MTCL3: variants seen among roughly 807,000 people sequenced by gnomAD.
MTCL3 encodes microtubule cross-linking factor 3.
the MTCL3 span, chr6:127,516,762 G>A: frequency 1.5e-6 from 2 of 1,350,218 alleles, no homozygotes; most frequent in Middle Eastern, 3.7e-4. Context: ...CAGAGCAAAG[G>A]GTGATATTGC....
the MTCL3 span, among the ~76,000 whole-genome samples, chr6:127,506,676 G>T: frequency 1.3e-5 from 2 of 152,234 alleles, no homozygotes; most frequent in South Asian, 4.2e-4. Flanking sequence ...CGCCTCTCGG[G>T]TTCATAACAT....
the MTCL3 span, among the ~76,000 whole-genome samples, chr6:127,494,813 C>T: frequency 6.6e-6 from 1 of 152,108 alleles, no homozygotes; most frequent in Non-Finnish European, 1.5e-5. Flanking sequence ...TTTAATATAT[C>T]ATGTATTATA....
the MTCL3 span, among the ~76,000 whole-genome samples, chr6:127,479,914 T>TA: frequency 3.3e-5 from 5 of 152,106 alleles, no homozygotes; most frequent in African/African-American, 4.8e-5. Context: ...TAATTATTGA[T>TA]AAAAAAAGGA....
the MTCL3 span, among the ~76,000 whole-genome samples, chr6:127,501,388 TC>T: frequency 2.6e-5 from 4 of 152,226 alleles, no homozygotes; most frequent in African/African-American, 4.8e-5. Context: ...TGAAAATTTT[TC>T]TTTTCTTCAT....
the MTCL3 span, chr6:127,475,324 C>T: frequency 2.5e-6 from 4 of 1,611,436 alleles, no homozygotes; most frequent in Non-Finnish European, 3.4e-6. The surrounding 1 kb of genome is among the most constrained non-coding windows in gnomAD (Gnocchi z 7.3). Context: ...CTCGGCGCCG[C>T]GGTCGTCCGC....
the MTCL3 span, among the ~76,000 whole-genome samples, chr6:127,500,227 G>A: frequency 6.6e-6 from 1 of 152,044 alleles, no homozygotes; most frequent in Non-Finnish European, 1.5e-5. Flanking sequence ...GACCTACAAA[G>A]GAATAAAAGT....
chr6:127,511,178 G>A, the MTCL3 span, among the ~76,000 whole-genome samples: 6 of 152,178 alleles, frequency 3.9e-5, no homozygotes, highest in East Asian at 3.9e-4. Flanking sequence ...TCCTGCCTTC[G>A]CAGCCCTCAG....
chr6:127,505,527 C>T, the MTCL3 span, among the ~76,000 whole-genome samples: 9 of 151,898 alleles, frequency 5.9e-5, no homozygotes, highest in South Asian at 8.3e-4. Context: ...GAGGATGGAG[C>T]GTGGGAGGAG....
chr6:127,490,396 C>G, the MTCL3 span, among the ~76,000 whole-genome samples: 1 of 152,054 alleles, frequency 6.6e-6, no homozygotes, highest in Non-Finnish European at 1.5e-5. Flanking sequence ...CTTTAACTTT[C>G]AAGTCTTATT....
the MTCL3 span, among the ~76,000 whole-genome samples, chr6:127,512,045 A>G: frequency 6.6e-6 from 1 of 152,190 alleles, no homozygotes; most frequent in Non-Finnish European, 1.5e-5. Context: ...TGCATTGTAC[A>G]TGTTCAGGTA....
At chr6:127,476,387 C>G in the MTCL3 span, 2 of 1,613,382 alleles carry the variant, frequency 1.2e-6, no homozygotes, top group African/African-American at 2.7e-5. The surrounding 1 kb of genome is among the most constrained non-coding windows in gnomAD (Gnocchi z 4.4). Context: ...TTTTCTTTAT[C>G]AATCTTGGCC....
At chr6:127,500,079 A>T in the MTCL3 span, among the ~76,000 whole-genome samples, 1 of 151,960 alleles carries the variant, frequency 6.6e-6, no homozygotes, top group South Asian at 2.1e-4. Flanking sequence ...TGTTCCCATA[A>T]TCCTGCCCAT....
chr6:127,512,395 C>A, the MTCL3 span, among the ~76,000 whole-genome samples: 1 of 152,076 alleles, frequency 6.6e-6, no homozygotes, highest in Non-Finnish European at 1.5e-5. Flanking sequence ...GGTGATATTG[C>A]AAGCATTAGA....
chr6:127,497,752 A>G, the MTCL3 span, among the ~76,000 whole-genome samples: 1 of 152,364 alleles, frequency 6.6e-6, no homozygotes, highest in East Asian at 1.9e-4. Flanking sequence ...GAATGTATAA[A>G]GAATGTTTGA....
chr6:127,491,633 A>G, the MTCL3 span, among the ~76,000 whole-genome samples: 1 of 152,066 alleles, frequency 6.6e-6, no homozygotes, highest in Non-Finnish European at 1.5e-5. Flanking sequence ...AACCTGCAAT[A>G]TCTCTGAGGT....
chr6:127,493,860 G>A, the MTCL3 span, among the ~76,000 whole-genome samples: 1 of 152,016 alleles, frequency 6.6e-6, no homozygotes, highest in African/African-American at 2.4e-5. Context: ...CCTTTTCCTA[G>A]TTCCTCTATT....
chr6:127,491,878 C>CAA, the MTCL3 span, among the ~76,000 whole-genome samples: 758 of 60,360 alleles, frequency 0.013, 8 homozygotes, highest in African/African-American at 0.034. Flanking sequence ...GACCCTGTCT[C>CAA]AAAAAAAAAA....
chr6:127,489,512 C>G, the MTCL3 span, among the ~76,000 whole-genome samples: 34 of 152,350 alleles, frequency 2.2e-4, no homozygotes, highest in Non-Finnish European at 4.9e-4. Context: ...ACCTAGGCCT[C>G]TTAGCCAAGT....
At chr6:127,490,381 A>G in the MTCL3 span, among the ~76,000 whole-genome samples, 15 of 152,086 alleles carry the variant, frequency 9.9e-5, no homozygotes, top group Non-Finnish European at 1.9e-4. Flanking sequence ...TAGATCATGG[A>G]GTAACTTTAA....
Sources: allele counts gnomAD v4.1 joint callset (sites outside exome capture counted in the v4.1 genomes callset), GRCh38; gene constraint gnomAD v4.1.1; non-coding constraint Gnocchi (gnomAD v3.1); transcripts MANE v1.5; gene names NCBI Gene and HGNC (gene_info 2026-07-23, HGNC 2026-07-21).